Variants in CYP2C19 observed in about 807,000 individuals in gnomAD.
CYP2C19 encodes cytochrome P450 2C19.
In CYP2C19, 59 loss-of-function variants were observed where a neutral mutation model predicts 40.9. The ratio of observed to expected loss-of-function variants is 1.44; its 90% confidence interval spans 1.17 to 1.79. The LOEUF is 1.79. Ranked by LOEUF, CYP2C19 falls within the 40% of genes most tolerant of loss-of-function variation. The probability of loss-of-function intolerance (pLI) is 0.00; values close to 1 mark genes in which losing one functional copy is unlikely to be tolerated. For synonymous variants in CYP2C19, 253 were observed against 208.7 expected (o/e 1.21, Z -1.83); for missense variants, 754 against 596.9 (o/e 1.26, Z -2.74).
intron 6 of CYP2C19, among the ~76,000 whole-genome samples, chr10:94,824,088 T>C (rs777896859): frequency 6.6e-6 from 1 of 152,182 alleles, no homozygotes; most frequent in Non-Finnish European, 1.5e-5. Flanking sequence ...AAATTACAAA[T>C]AGAAATAAAG....
intron 3 of CYP2C19, among the ~76,000 whole-genome samples, chr10:94,780,286 C>T (rs907002898): frequency 1.3e-5 from 2 of 152,024 alleles, no homozygotes; most frequent in East Asian, 3.9e-4. Context: ...TTTGAGCAAC[C>T]ATTATTTAAC....
intron 1 of CYP2C19, among the ~76,000 whole-genome samples, chr10:94,769,262 G>T (rs758122846): frequency 1.3e-5 from 2 of 152,084 alleles, no homozygotes. Flanking sequence ...AATCATCCAC[G>T]TACTGAAGGA....
At chr10:94,843,853 A>T (rs1410274052) in intron 7 of CYP2C19, among the ~76,000 whole-genome samples, 1 of 152,204 alleles carries the variant, frequency 6.6e-6, no homozygotes, top group African/African-American at 2.4e-5. Context: ...AATCTGCAGG[A>T]AGCAGTGGAA....
At chr10:94,813,634 C>G (rs933681703) in intron 5 of CYP2C19, among the ~76,000 whole-genome samples, 1 of 151,846 alleles carries the variant, frequency 6.6e-6, no homozygotes, top group South Asian at 2.1e-4. Context: ...CCCTCAACAC[C>G]CCCCCCAAGC....
intron 7 of CYP2C19, among the ~76,000 whole-genome samples, chr10:94,848,908 G>T (rs919789987): frequency 1.3e-5 from 2 of 152,248 alleles, no homozygotes; most frequent in South Asian, 2.1e-4. Context: ...GAATGCTTGT[G>T]ATTTTTGTCC....
chr10:94,832,873 T>C (rs909297814), intron 6 of CYP2C19, among the ~76,000 whole-genome samples: 1 of 152,202 alleles, frequency 6.6e-6, no homozygotes, highest in Non-Finnish European at 1.5e-5. Context: ...TTTAATAATA[T>C]TGATTTTTCC....
chr10:94,774,778 G>T, intron 1 of CYP2C19: 1 of 392,534 alleles, frequency 2.5e-6, no homozygotes, highest in Non-Finnish European at 4.6e-6. Flanking sequence ...AGCTCAGTTT[G>T]TTTGTTTAAA....
chr10:94,763,269 A>C (rs774715690), intron 1 of CYP2C19, among the ~76,000 whole-genome samples: 12 of 152,158 alleles, frequency 7.9e-5, no homozygotes, highest in Non-Finnish European at 1.5e-4. Context: ...AGCCGTGAAA[A>C]TTGAACTTCT....
At chr10:94,786,199 C>A (rs1344957282) in intron 5 of CYP2C19, among the ~76,000 whole-genome samples, 1 of 152,006 alleles carries the variant, frequency 6.6e-6, no homozygotes, top group Non-Finnish European at 1.5e-5. Flanking sequence ...GGTATATATC[C>A]CAGGTAATGT....
chr10:94,805,320 C>T lies in CYP2C19; in HGVS notation c.820-15176C>T, dbSNP rs572632298. 3.3e-5 allele frequency among the ~76,000 whole-genome samples: 5 copies of T among 152,024 alleles called. No homozygotes were observed. The South Asian group carries it at 8.3e-4, about 25-fold the overall frequency. Reference sequence around the variant, plus strand: ...TCTAATGAGATGAACATGTTTTTCTCTTTTATTCTAATATGGTGTAGTGCA... The same window carrying T: ...TCTAATGAGATGAACATGTTTTTCTTTTTTATTCTAATATGGTGTAGTGCA... On this transcript the variant is annotated intron_variant, in intron 5 of 8. Coordinates refer to ENST00000371321, the MANE Select transcript of CYP2C19 (RefSeq NM_000769.4).
intron 5 of CYP2C19, among the ~76,000 whole-genome samples, chr10:94,793,874 C>A (rs989781192): frequency 1.3e-5 from 2 of 152,184 alleles, no homozygotes; most frequent in Non-Finnish European, 2.9e-5. Context: ...AGAAACACCA[C>A]TTTCTTCAAA....
intron 6 of CYP2C19, among the ~76,000 whole-genome samples, chr10:94,836,391 C>T (rs573834821): frequency 6.6e-6 from 1 of 151,452 alleles, no homozygotes; most frequent in Non-Finnish European, 1.5e-5. Flanking sequence ...TAGAGCTATT[C>T]CTGTTTTTTT....
chr10:94,823,212 G>A (rs1187742883), intron 6 of CYP2C19, among the ~76,000 whole-genome samples: 1 of 152,098 alleles, frequency 6.6e-6, no homozygotes, highest in Non-Finnish European at 1.5e-5. Flanking sequence ...TAGAGAATGA[G>A]GTTGAAAAAC....
intron 1 of CYP2C19, 32 bp downstream of exon 1, chr10:94,762,905 G>A: frequency 6.3e-7 from 1 of 1,592,472 alleles, no homozygotes; most frequent in Non-Finnish European, 8.6e-7. Context: ...CTTGCAAAAG[G>A]TAAGTAAATT....
rs776595891 is a variant in CYP2C19, at chr10:94,780,679, T to C, written c.642+20T>C. 1.4e-5 allele frequency: 22 copies of C among 1,612,944 alleles called. No individual in the cohort carries two copies. The highest frequency in any genetic ancestry group is 1.8e-5 in the Non-Finnish European group (21 of 1,179,496). On this transcript the variant is annotated intron_variant, in intron 4 of 8. Transcript: ENST00000371321. ...ATCCAGGTAAGGCCAAGTTTTTTGCTTCCTGAGAAACCACTTACAGTCTTT... is the reference window on the plus strand; with the variant it reads ...ATCCAGGTAAGGCCAAGTTTTTTGCCTCCTGAGAAACCACTTACAGTCTTT...
At chr10:94,836,336 T>C (rs1214940772) in intron 6 of CYP2C19, among the ~76,000 whole-genome samples, 2 of 152,242 alleles carry the variant, frequency 1.3e-5, no homozygotes, top group Non-Finnish European at 2.9e-5. Flanking sequence ...TACTCAGGTA[T>C]GCCACGGGTT....
At chr10:94,773,266 T>C (rs1465475145) in intron 1 of CYP2C19, among the ~76,000 whole-genome samples, 1 of 152,176 alleles carries the variant, frequency 6.6e-6, no homozygotes, top group Non-Finnish European at 1.5e-5. Context: ...TTGGTCTCAC[T>C]GACTTCAAGA....
chr10:94,839,672 G>T (rs1849459406), intron 6 of CYP2C19, among the ~76,000 whole-genome samples: 1 of 152,372 alleles, frequency 6.6e-6, no homozygotes, highest in Middle Eastern at 3.4e-3. Flanking sequence ...AGTGCAAAGA[G>T]TTCGCACTTT....
At chr10:94,781,133 G>C (rs1003805667) in intron 4 of CYP2C19, among the ~76,000 whole-genome samples, 1 of 152,144 alleles carries the variant, frequency 6.6e-6, no homozygotes, top group African/African-American at 2.4e-5. Flanking sequence ...CACTGAATAG[G>C]GCAGAGGTGT....
Sources: gnomAD v4.1 joint callset for allele counts (sites outside exome capture counted in the v4.1 genomes callset) on GRCh38, gnomAD v4.1.1 for gene constraint, MANE v1.5 for transcripts, NCBI Gene and HGNC (gene_info 2026-07-23, HGNC 2026-07-21) for gene names.